Variants in C1QTNF3 observed in about 807,000 individuals in gnomAD.
C1QTNF3 encodes the protein C1q and TNF related 3.
C1QTNF3 carries 26 observed loss-of-function variants against 32.6 expected under a neutral mutation model. The observed-to-expected ratio is 0.80, with a 90% CI of 0.58 to 1.11. C1QTNF3 has a LOEUF of 1.11. C1QTNF3 is among the 50% of genes least tolerant of loss of function. The probability of loss-of-function intolerance (pLI) is 0.00; values close to 1 mark genes in which losing one functional copy is unlikely to be tolerated. For missense variants in C1QTNF3, 362 were observed against 398.2 expected, an observed-to-expected ratio of 0.91 and a Z score of 0.77; for synonymous variants, 155 against 146.0, an observed-to-expected ratio of 1.06 and a Z score of -0.44.
the C1QTNF3 span, among the ~76,000 whole-genome samples, chr5:34,118,561 C>A: frequency 6.6e-6 from 1 of 152,006 alleles, no homozygotes. Flanking sequence ...TCTTTGCTGA[C>A]AGATTTTTTT....
the C1QTNF3 span, among the ~76,000 whole-genome samples, chr5:34,067,893 C>A: frequency 6.6e-6 from 1 of 152,078 alleles, no homozygotes; most frequent in East Asian, 1.9e-4. Flanking sequence ...TATATGCATG[C>A]AGTTGAACCA....
the C1QTNF3 span, chr5:34,165,312 C>T: frequency 6.6e-6 from 1 of 152,340 alleles, no homozygotes; most frequent in East Asian, 1.9e-4. Context: ...ACTTCTCGGC[C>T]CGCATAATCG....
chr5:34,217,606 C>A, the C1QTNF3 span, among the ~76,000 whole-genome samples: 2 of 152,078 alleles, frequency 1.3e-5, no homozygotes, highest in African/African-American at 4.8e-5. Context: ...AAGTTTCACA[C>A]GGCTTATGTT....
At chr5:34,099,462 G>T in the C1QTNF3 span, among the ~76,000 whole-genome samples, 1 of 152,156 alleles carries the variant, frequency 6.6e-6, no homozygotes, top group African/African-American at 2.4e-5. Flanking sequence ...GAAAAACAGT[G>T]TGAAAATGTC....
chr5:34,030,381 C>T (rs951425390), intron 3 of C1QTNF3, among the ~76,000 whole-genome samples: 1 of 152,184 alleles, frequency 6.6e-6, no homozygotes, highest in African/African-American at 2.4e-5. Flanking sequence ...ATAAGGCTGT[C>T]TATTTGGGTC....
At chr5:34,055,656 C>T in the C1QTNF3 span, among the ~76,000 whole-genome samples, 2 of 152,306 alleles carry the variant, frequency 1.3e-5, no homozygotes, top group South Asian at 4.1e-4. Context: ...CAATTCATAA[C>T]AGGAAGTTTA....
chr5:34,140,045 A>C, the C1QTNF3 span, among the ~76,000 whole-genome samples: 1 of 152,202 alleles, frequency 6.6e-6, no homozygotes, highest in African/African-American at 2.4e-5. Flanking sequence ...GCACATCCTC[A>C]ACAAAGAATT....
At chr5:34,111,093 G>T in the C1QTNF3 span, among the ~76,000 whole-genome samples, 153 of 152,090 alleles carry the variant, frequency 1.0e-3, no homozygotes, top group Middle Eastern at 0.01. Context: ...GATGGCTCTT[G>T]AAAGTATAAA....
chr5:34,111,154 T>C, the C1QTNF3 span, among the ~76,000 whole-genome samples: 2 of 152,218 alleles, frequency 1.3e-5, no homozygotes, highest in South Asian at 4.1e-4. Flanking sequence ...TTATCTGATC[T>C]TTTGCACAGA....
the C1QTNF3 span, among the ~76,000 whole-genome samples, chr5:34,136,868 A>G: frequency 1.3e-5 from 2 of 152,210 alleles, no homozygotes; most frequent in African/African-American, 4.8e-5. Flanking sequence ...ATGAAGCTGG[A>G]AGCCATGATT....
chr5:34,100,177 A>C, the C1QTNF3 span, among the ~76,000 whole-genome samples: 35 of 152,170 alleles, frequency 2.3e-4, no homozygotes, highest in Non-Finnish European at 4.9e-4. Context: ...GGGGACAAAC[A>C]AACATTGTAT....
the C1QTNF3 span, among the ~76,000 whole-genome samples, chr5:34,070,093 T>A: frequency 2.0e-5 from 3 of 152,210 alleles, no homozygotes; most frequent in African/African-American, 7.2e-5. Context: ...TCTCCTGTTC[T>A]TATTGGATAC....
chr5:34,081,807 T>C, the C1QTNF3 span, among the ~76,000 whole-genome samples: 2 of 151,686 alleles, frequency 1.3e-5, no homozygotes, highest in Non-Finnish European at 1.5e-5. Context: ...TGAAGCAATA[T>C]AATAATAAAA....
At chr5:34,147,579 T>C in the C1QTNF3 span, among the ~76,000 whole-genome samples, 4 of 151,890 alleles carry the variant, frequency 2.6e-5, no homozygotes, top group Non-Finnish European at 4.4e-5. Context: ...AAACCAAATA[T>C]GGCATGTCCT....
At chr5:34,222,061 T>C in the C1QTNF3 span, among the ~76,000 whole-genome samples, 14 of 152,198 alleles carry the variant, frequency 9.2e-5, no homozygotes, top group African/African-American at 3.1e-4. Context: ...ATCATTATTA[T>C]AGATATTTCG....
the C1QTNF3 span, among the ~76,000 whole-genome samples, chr5:34,220,521 A>C: frequency 5.3e-5 from 8 of 151,322 alleles, no homozygotes; most frequent in Admixed American, 1.3e-4. Flanking sequence ...CACACACACC[A>C]CACACGCACA....
chr5:34,069,631 T>C, the C1QTNF3 span, among the ~76,000 whole-genome samples: 2 of 152,164 alleles, frequency 1.3e-5, no homozygotes, highest in Non-Finnish European at 2.9e-5. Flanking sequence ...CATTCTCAAA[T>C]AAAGGGAATG....
the C1QTNF3 span, among the ~76,000 whole-genome samples, chr5:34,056,477 T>TAGAGAGAGAGAG: frequency 1.1e-5 from 1 of 87,250 alleles, no homozygotes; most frequent in East Asian, 3.5e-4. Context: ...TATATATATA[T>TAGAGAGAGAGAG]ATAGAGAGAG....
the C1QTNF3 span, among the ~76,000 whole-genome samples, chr5:34,205,288 TAGTGACATCAGTAAGA>T: frequency 6.6e-6 from 1 of 152,068 alleles, no homozygotes; most frequent in African/African-American, 2.4e-5. Context: ...AGGTTAGAGG[TAGTGACATCAGTAAGA>T]ACCCATGTTT....
Sources: gnomAD v4.1 joint callset for allele counts (sites outside exome capture counted in the v4.1 genomes callset) on GRCh38, gnomAD v4.1.1 for gene constraint, MANE v1.5 for transcripts, NCBI Gene and HGNC (gene_info 2026-07-23, HGNC 2026-07-21) for gene names.